The following NUP35 variants were observed in gnomAD, a reference collection of about 807,000 sequenced individuals.
The protein encoded by NUP35 is nucleoporin 35.
A neutral mutation model predicts 41.5 loss-of-function variants in NUP35; 25 were observed. The observed-to-expected ratio is 0.60, with a 90% CI of 0.44 to 0.84. The LOEUF is 0.84. Among genes scored for constraint, NUP35 ranks in the 40% least tolerant of loss-of-function variants. The pLI, the probability that NUP35 is intolerant of heterozygous loss-of-function variation, is 0.00. For synonymous variants in NUP35, 149 were observed against 130.7 expected, an observed-to-expected ratio of 1.14 and a Z score of -0.96; for missense variants, 396 against 396.6, an observed-to-expected ratio of 1.00 and a Z score of 0.01.
intron 3 of NUP35, 102 bp from the exon 4 acceptor site, chr2:183,133,464 A>T: frequency 1.1e-6 from 1 of 889,094 alleles, no homozygotes; most frequent in Non-Finnish European, 1.7e-6. Context: ...AGGCATCTCT[A>T]GCACATGATA....
In NUP35 at chr2:183,130,496, A is replaced by G. The variant is rs765065308; in HGVS notation, c.290A>G (p.Asp97Gly). 1 of 1,612,970 alleles carries G rather than the reference A, an allele frequency of 6.2e-7. No individual in the cohort carries two copies. The highest frequency in any genetic ancestry group is 1.1e-5 in the South Asian group (1 of 91,040). Residue 97 changes from aspartate (D) to glycine (G), a missense_variant, in exon 3 of 9, where the codon GAC becomes GGC. Transcript: ENST00000295119. Reference protein sequence around the residue: ...GAPPVRSIYDDISSPGLGSTP... With the variant: ...GAPPVRSIYDGISSPGLGSTP... Reference sequence around the variant, plus strand: ...CCACCAGTTAGAAGTATATATGATGACATTTCTAGCCCAGGACTTGGATCA... The same window carrying G: ...CCACCAGTTAGAAGTATATATGATGGCATTTCTAGCCCAGGACTTGGATCA...
At chr2:183,139,448 C>T (rs1442463512) in intron 4 of NUP35, among the ~76,000 whole-genome samples, 1 of 152,006 alleles carries the variant, frequency 6.6e-6, no homozygotes, top group Non-Finnish European at 1.5e-5. Context: ...GGCCTCCATA[C>T]AATATGTCCA....
intron 5 of NUP35, among the ~76,000 whole-genome samples, chr2:183,155,515 G>A (rs1685625745): frequency 6.6e-6 from 1 of 151,422 alleles, no homozygotes; most frequent in Admixed American, 6.6e-5. Context: ...TAGCAATTGG[G>A]CTGGTGTGTT....
At chr2:183,134,765 G>T (rs996354046) in intron 4 of NUP35, among the ~76,000 whole-genome samples, 3 of 151,142 alleles carry the variant, frequency 2.0e-5, no homozygotes, top group African/African-American at 7.3e-5. Context: ...ACAGGTGCTC[G>T]CCACTGCGCC....
At chr2:183,140,526 A>G (rs1026466596) in intron 4 of NUP35, among the ~76,000 whole-genome samples, 1 of 152,200 alleles carries the variant, frequency 6.6e-6, no homozygotes, top group African/African-American at 2.4e-5. Context: ...TCAAAATAAT[A>G]AATTCAGATG....
upstream of NUP35, chr2:183,124,334 C>T: frequency 6.4e-7 from 1 of 1,574,648 alleles, no homozygotes. Flanking sequence ...ACAACTTAAG[C>T]ATAGCGCAGG....
upstream of NUP35, chr2:183,119,942 T>C (rs1700043055): frequency 6.6e-6 from 1 of 152,228 alleles, no homozygotes; most frequent in Non-Finnish European, 1.5e-5. Context: ...TGGAAGTCTC[T>C]TAAAGAGATG....
At chr2:183,158,571 G>T (rs1487923287) in intron 7 of NUP35, among the ~76,000 whole-genome samples, 160 bp downstream of exon 7, 1 of 152,050 alleles carries the variant, frequency 6.6e-6, no homozygotes, top group Non-Finnish European at 1.5e-5. Flanking sequence ...TAAGCCGAAG[G>T]TATTTAATCA....
intron 8 of NUP35, 81 bp from the exon 9 acceptor site, chr2:183,160,973 T>C: frequency 1.9e-6 from 2 of 1,039,968 alleles, no homozygotes; most frequent in East Asian, 2.5e-5. Context: ...TGTTTCTCTT[T>C]TAAATGAGCA....
intron 4 of NUP35, among the ~76,000 whole-genome samples, chr2:183,134,723 C>G (rs2017742): frequency 0.045 from 6,862 of 151,662 alleles, 242 homozygotes; most frequent in South Asian, 0.15. Flanking sequence ...TCAAGTGATT[C>G]TCCTGCCTCA....
chr2:183,126,262 C>T (rs1684476124), intron 1 of NUP35, among the ~76,000 whole-genome samples: 1 of 152,220 alleles, frequency 6.6e-6, no homozygotes, highest in South Asian at 2.1e-4. Flanking sequence ...GAACTGAGCT[C>T]GAGCGATCCA....
intron 4 of NUP35, among the ~76,000 whole-genome samples, chr2:183,137,904 C>T (rs967302994): frequency 4.0e-5 from 6 of 151,750 alleles, no homozygotes; most frequent in African/African-American, 1.2e-4. Context: ...AGTAGAAAAG[C>T]GCATGATTAA....
upstream of NUP35, among the ~76,000 whole-genome samples, chr2:183,123,508 C>T (rs1700097940): frequency 6.6e-6 from 1 of 152,110 alleles, no homozygotes; most frequent in Non-Finnish European, 1.5e-5. Flanking sequence ...TGCCTCATTC[C>T]AAAGACAAAA....
At chr2:183,152,291 CT>C (rs1409634368) in intron 5 of NUP35, among the ~76,000 whole-genome samples, 1 of 151,824 alleles carries the variant, frequency 6.6e-6, no homozygotes, top group Non-Finnish European at 1.5e-5. Flanking sequence ...AAAAAAAATG[CT>C]TTTTTATTTC....
At chr2:183,142,962 C>G (rs1353466737) in intron 4 of NUP35, among the ~76,000 whole-genome samples, 6 of 151,632 alleles carry the variant, frequency 4.0e-5, no homozygotes, top group Admixed American at 2.0e-4. Flanking sequence ...CGAGACCGTC[C>G]TAGCTAACAA....
chr2:183,138,269 A>ATATATATATATTTTT, intron 4 of NUP35, among the ~76,000 whole-genome samples: 196 of 80,584 alleles, frequency 2.4e-3, no homozygotes, highest in African/African-American at 0.012. Context: ...ATATATATAT[A>ATATATATATATTTTT]TTTTTTTTTT....
chr2:183,150,580 T>C (rs1685436622), intron 4 of NUP35, among the ~76,000 whole-genome samples: 1 of 152,200 alleles, frequency 6.6e-6, no homozygotes, highest in African/African-American at 2.4e-5. Flanking sequence ...CCCACACAAA[T>C]TGGCCCTGTC....
At chr2:183,124,823 TGCTGGTTGCTGGATTCCCA>T (rs1398392513) in intron 1 of NUP35, among the ~76,000 whole-genome samples, 54 of 152,316 alleles carry the variant, frequency 3.5e-4, no homozygotes, top group East Asian at 1.5e-3. Flanking sequence ...CGAGACGCGA[TGCTGGTTGCTGGATTCCCA>T]GCTGGTTGCT....
chr2:183,130,595 G>A (rs1462652631), intron 3 of NUP35, 50 bp downstream of exon 3: 1 of 1,581,592 alleles, frequency 6.3e-7, no homozygotes, highest in Non-Finnish European at 8.6e-7. Context: ...ATGGTTTTAT[G>A]TGTCTGTTCA....
Sources: gnomAD v4.1 joint callset for allele counts (sites outside exome capture counted in the v4.1 genomes callset) on GRCh38, gnomAD v4.1.1 for gene constraint, MANE v1.5 for transcripts, NCBI Gene and HGNC (gene_info 2026-07-23, HGNC 2026-07-21) for gene names.